Variants in CNTN4 observed in about 807,000 individuals in gnomAD.
The protein encoded by CNTN4 is contactin-4.
In CNTN4, 77 loss-of-function variants were observed where a neutral mutation model predicts 122.5. That is an observed-to-expected ratio of 0.63 (90% CI 0.52 to 0.76). The LOEUF (loss-of-function observed/expected upper bound fraction) is 0.76. Ranked by LOEUF, CNTN4 falls within the 30% of genes least tolerant of loss-of-function variation. The pLI is 0.00. For synonymous variants in CNTN4, 512 were observed against 447.0 expected (o/e 1.15, Z -1.83); for missense variants, 1,256 against 1,259.1 (o/e 1.00, Z 0.04).
intron 2 of CNTN4, among the ~76,000 whole-genome samples, chr3:2,287,654 A>G (rs549127533): frequency 3.2e-4 from 8 of 24,692 alleles, no homozygotes; most frequent in African/African-American, 5.6e-4. Context: ...AAGAAGAAGA[A>G]GAAGAAGAAG....
chr3:2,677,121 T>G (rs2084892389), intron 4 of CNTN4, among the ~76,000 whole-genome samples: 2 of 143,740 alleles, frequency 1.4e-5, no homozygotes, highest in Non-Finnish European at 3.0e-5. Flanking sequence ...GATAGATAGA[T>G]CACTCTTTTA....
At chr3:2,381,304 C>T (rs903076291) in intron 3 of CNTN4, among the ~76,000 whole-genome samples, 1 of 152,170 alleles carries the variant, frequency 6.6e-6, no homozygotes, top group Non-Finnish European at 1.5e-5. Flanking sequence ...CTGCGCCTGG[C>T]CTTGTTTTGT....
At chr3:2,568,995 C>T (rs1296043169) in intron 3 of CNTN4, among the ~76,000 whole-genome samples, 1 of 152,120 alleles carries the variant, frequency 6.6e-6, no homozygotes, top group African/African-American at 2.4e-5. Flanking sequence ...TATTAATACC[C>T]TGATCATTTG....
chr3:2,654,654 G>C (rs2083502735), intron 4 of CNTN4, among the ~76,000 whole-genome samples: 1 of 152,126 alleles, frequency 6.6e-6, no homozygotes, highest in Non-Finnish European at 1.5e-5. Flanking sequence ...ATGTATCTTT[G>C]TTTAGAAAAG....
intron 3 of CNTN4, among the ~76,000 whole-genome samples, chr3:2,417,715 A>G (rs1055661189): frequency 1.3e-5 from 2 of 152,334 alleles, no homozygotes; most frequent in East Asian, 3.9e-4. Context: ...CAATTGCCAA[A>G]ACTTGGAAGC....
At chr3:3,045,539 C>G (rs1259040780) in intron 23 of CNTN4, among the ~76,000 whole-genome samples, 4 of 152,234 alleles carry the variant, frequency 2.6e-5, no homozygotes, top group African/African-American at 9.6e-5. Context: ...GGACCTCCAG[C>G]AAACTCCAGC....
intron 4 of CNTN4, among the ~76,000 whole-genome samples, chr3:2,601,176 C>A (rs1173911180): frequency 6.6e-6 from 1 of 152,118 alleles, no homozygotes; most frequent in African/African-American, 2.4e-5. Flanking sequence ...ATGGTAGTTT[C>A]TTTTGTTGTG....
At chr3:2,238,024 C>T (rs530469523) in intron 2 of CNTN4, among the ~76,000 whole-genome samples, 15 of 151,454 alleles carry the variant, frequency 9.9e-5, no homozygotes, top group Admixed American at 2.6e-4. Flanking sequence ...GCCATTGAGA[C>T]GTTTTTATAA....
At chr3:2,764,436 T>C (rs2090745885) in intron 6 of CNTN4, among the ~76,000 whole-genome samples, 1 of 152,124 alleles carries the variant, frequency 6.6e-6, no homozygotes, top group Admixed American at 6.5e-5. Flanking sequence ...GCATAGAGCA[T>C]GGTATTTTCA....
At chr3:2,356,338 G>A (rs1211760422) in intron 3 of CNTN4, among the ~76,000 whole-genome samples, 1 of 152,158 alleles carries the variant, frequency 6.6e-6, no homozygotes, top group Non-Finnish European at 1.5e-5. Context: ...TTTAAACAAG[G>A]GGTGGATTAT....
chr3:2,146,745 A>G (rs1330624717), intron 2 of CNTN4, among the ~76,000 whole-genome samples: 2 of 152,302 alleles, frequency 1.3e-5, no homozygotes, highest in East Asian at 3.9e-4. Flanking sequence ...TGTCAGTTAT[A>G]TGTCACCTTA....
At chr3:2,448,665 G>A (rs952637984) in intron 3 of CNTN4, among the ~76,000 whole-genome samples, 1 of 152,158 alleles carries the variant, frequency 6.6e-6, no homozygotes, top group African/African-American at 2.4e-5. Flanking sequence ...TATTCTGCTA[G>A]TAACATATCG....
intron 4 of CNTN4, among the ~76,000 whole-genome samples, chr3:2,622,847 T>A (rs1440823364): frequency 2.6e-5 from 4 of 152,222 alleles, no homozygotes; most frequent in Non-Finnish European, 5.9e-5. Context: ...GATCTGAGAC[T>A]GGTGCACTCT....
chr3:2,978,179 T>C (rs904745694), intron 13 of CNTN4, among the ~76,000 whole-genome samples: 3 of 152,258 alleles, frequency 2.0e-5, no homozygotes, highest in Non-Finnish European at 4.4e-5. Flanking sequence ...ATGGCAGCCA[T>C]AGGAAACTAC....
chr3:2,306,570 TG>T (rs1359013482), intron 2 of CNTN4, among the ~76,000 whole-genome samples: 15 of 152,190 alleles, frequency 9.9e-5, no homozygotes, highest in Admixed American at 9.2e-4. Context: ...CGTCAGACAT[TG>T]TTTTTTTTCA....
intron 24 of CNTN4, 143 bp from the exon 25 acceptor site, chr3:3,055,977 C>A: frequency 1.6e-6 from 1 of 629,316 alleles, no homozygotes. Context: ...AGTCATAGAA[C>A]TGATATTTAA....
At chr3:2,726,624 A>C (rs1181367943) in intron 4 of CNTN4, among the ~76,000 whole-genome samples, 1 of 152,182 alleles carries the variant, frequency 6.6e-6, no homozygotes, top group Non-Finnish European at 1.5e-5. Flanking sequence ...AATTTTATAC[A>C]TGTATGTTTC....
intron 2 of CNTN4, among the ~76,000 whole-genome samples, chr3:2,122,017 G>T (rs572675617): frequency 1.0e-4 from 13 of 130,312 alleles, no homozygotes; most frequent in African/African-American, 3.6e-4. Flanking sequence ...TTAGCCGGGC[G>T]TGGTGGCGGC....
intron 3 of CNTN4, among the ~76,000 whole-genome samples, chr3:2,341,265 G>C (rs900899024): frequency 6.6e-6 from 1 of 152,074 alleles, no homozygotes; most frequent in African/African-American, 2.4e-5. Context: ...TCCCTGTTAG[G>C]GTGAGGCTTC....
Sources: allele counts gnomAD v4.1 joint callset (sites outside exome capture counted in the v4.1 genomes callset), GRCh38; gene constraint gnomAD v4.1.1; transcripts MANE v1.5; gene names NCBI Gene and HGNC (gene_info 2026-07-23, HGNC 2026-07-21).